CPQ: variants seen among roughly 807,000 people sequenced by gnomAD.
CPQ encodes the protein Ser-Met dipeptidase.
CPQ carries 37 observed loss-of-function variants against 45.7 expected under a neutral mutation model. The ratio of observed to expected loss-of-function variants is 0.81; its 90% CI spans 0.62 to 1.07. The LOEUF is 1.07. Ranked by LOEUF, CPQ falls within the 50% of genes least tolerant of loss-of-function variation. The probability of loss-of-function intolerance (pLI) is 0.00; values close to 1 mark genes in which losing one functional copy is unlikely to be tolerated. For synonymous variants in CPQ, 186 were observed against 205.8 expected (o/e 0.90, Z 0.82); for missense variants, 537 against 572.9 (o/e 0.94, Z 0.64).
At chr8:96,692,252 T>C (rs1809314265) in intron 1 of CPQ, among the ~76,000 whole-genome samples, 2 of 152,202 alleles carry the variant, frequency 1.3e-5, no homozygotes, top group African/African-American at 2.4e-5. Context: ...AAGTGCAAGA[T>C]TGTACCTTGC....
chr8:96,962,801 A>T (rs929991586), intron 4 of CPQ, among the ~76,000 whole-genome samples: 6 of 152,220 alleles, frequency 3.9e-5, no homozygotes, highest in African/African-American at 1.4e-4. Context: ...AAGTTCATTC[A>T]AATTGCTACT....
chr8:96,734,091 G>A (rs1216969235), intron 1 of CPQ, among the ~76,000 whole-genome samples: 1 of 152,198 alleles, frequency 6.6e-6, no homozygotes, highest in Non-Finnish European at 1.5e-5. Context: ...ACAGCTGTAT[G>A]TAGCAGTATG....
At chr8:96,680,925 C>T (rs927054792) in intron 1 of CPQ, among the ~76,000 whole-genome samples, 2 of 151,728 alleles carry the variant, frequency 1.3e-5, no homozygotes, top group African/African-American at 4.8e-5. Context: ...GCATTTTGCC[C>T]CTGCCCGAGA....
chr8:96,871,181 T>C (rs1812062977), intron 3 of CPQ, among the ~76,000 whole-genome samples: 1 of 151,988 alleles, frequency 6.6e-6, no homozygotes, highest in Non-Finnish European at 1.5e-5. Flanking sequence ...ATACAACTTT[T>C]CTAAAGATTA....
intron 4 of CPQ, among the ~76,000 whole-genome samples, chr8:96,880,758 G>C (rs1812213566): frequency 6.6e-6 from 1 of 151,468 alleles, no homozygotes. Context: ...GGAAGAATAG[G>C]CAATGGGGGC....
intron 4 of CPQ, among the ~76,000 whole-genome samples, chr8:96,913,185 TA>T (rs1466643960): frequency 1.3e-5 from 2 of 152,200 alleles, no homozygotes; most frequent in Non-Finnish European, 2.9e-5. Context: ...AGCAAGCAAT[TA>T]GGCAACCATG....
At chr8:96,984,185 T>C (rs879260333) in intron 5 of CPQ, among the ~76,000 whole-genome samples, 7 of 151,784 alleles carry the variant, frequency 4.6e-5, no homozygotes, top group Non-Finnish European at 8.8e-5. Flanking sequence ...CACAGATTGC[T>C]TCAATATATC....
At chr8:97,002,308 G>A (rs1007219855) in intron 5 of CPQ, among the ~76,000 whole-genome samples, 1 of 151,730 alleles carries the variant, frequency 6.6e-6, no homozygotes, top group Non-Finnish European at 1.5e-5. Flanking sequence ...TGCTACCTTT[G>A]GGATTTGCTT....
chr8:96,759,185 G>T (rs73696238), intron 1 of CPQ, among the ~76,000 whole-genome samples: 9 of 152,172 alleles, frequency 5.9e-5, no homozygotes, highest in Non-Finnish European at 1.2e-4. Context: ...CTGCAGGATG[G>T]GTTTGTTCTC....
chr8:96,924,832 A>C (rs1175511638), intron 4 of CPQ, among the ~76,000 whole-genome samples: 1 of 152,216 alleles, frequency 6.6e-6, no homozygotes, highest in Non-Finnish European at 1.5e-5. Flanking sequence ...CAAGAGTCAA[A>C]GTTTAAATGC....
chr8:97,002,021 T>C (rs2853264), intron 5 of CPQ, among the ~76,000 whole-genome samples: 74,265 of 151,782 alleles, frequency 0.49, 20,360 homozygotes, highest in African/African-American at 0.76. Context: ...AGGAATTTAT[T>C]CATTTCTTCT....
At chr8:97,064,472 T>C (rs1810603866) in intron 6 of CPQ, among the ~76,000 whole-genome samples, 1 of 152,158 alleles carries the variant, frequency 6.6e-6, no homozygotes, top group African/African-American at 2.4e-5. Context: ...TGAGGTGGCA[T>C]TTTTTATTAT....
intron 4 of CPQ, among the ~76,000 whole-genome samples, chr8:96,958,431 A>G (rs1813393949): frequency 7.1e-6 from 1 of 141,760 alleles, no homozygotes; most frequent in Non-Finnish European, 1.5e-5. Flanking sequence ...GGAGGAATTC[A>G]AATACATGGT....
At chr8:96,706,631 G>A (rs1372087245) in intron 1 of CPQ, among the ~76,000 whole-genome samples, 1 of 152,110 alleles carries the variant, frequency 6.6e-6, no homozygotes, top group African/African-American at 2.4e-5. Context: ...AAAATGGGAA[G>A]TTATGATTCA....
intron 1 of CPQ, among the ~76,000 whole-genome samples, chr8:96,676,241 A>C (rs1333148872): frequency 6.6e-6 from 1 of 151,862 alleles, no homozygotes; most frequent in Non-Finnish European, 1.5e-5. Flanking sequence ...TATATAACCA[A>C]TCTCTCTTCA....
intron 3 of CPQ, among the ~76,000 whole-genome samples, chr8:96,835,609 T>C (rs1429011524): frequency 6.6e-6 from 1 of 152,172 alleles, no homozygotes; most frequent in Non-Finnish European, 1.5e-5. Context: ...ATCTATGGTA[T>C]AGTGAAGAGT....
chr8:96,847,476 T>C (rs1456480659), intron 3 of CPQ, among the ~76,000 whole-genome samples: 1 of 152,196 alleles, frequency 6.6e-6, no homozygotes, highest in African/African-American at 2.4e-5. Flanking sequence ...TTCTTTTTGA[T>C]AAAGCATCAA....
chr8:96,703,487 A>G lies in CPQ; in HGVS notation c.-35+58085A>G, dbSNP rs115511260. Among the ~76,000 whole-genome samples the G allele has an allele frequency of 8.6e-3, 1,304 of 152,286 alleles. 13 individuals carry two copies. Among genetic ancestry groups the G allele is most frequent in the African/African-American group, 0.026 (1,070 of 41,560 alleles). ...AATTTACAAGATAATCTAGTCTAGT[A>G]CTTTACATTTTAAGAAATACATGAA... On this transcript the variant is annotated intron_variant, in intron 1 of 7. Coordinates refer to ENST00000220763, the MANE Select transcript of CPQ (RefSeq NM_016134.4).
chr8:97,031,867 C>T (rs1319929139), intron 6 of CPQ, among the ~76,000 whole-genome samples: 1 of 152,174 alleles, frequency 6.6e-6, no homozygotes. Flanking sequence ...TAACTCTTTA[C>T]CTCGCCTTTA....
Sources: allele counts gnomAD v4.1 joint callset (sites outside exome capture counted in the v4.1 genomes callset), GRCh38; gene constraint gnomAD v4.1.1; transcripts MANE v1.5; gene names NCBI Gene and HGNC (gene_info 2026-07-23, HGNC 2026-07-21).